ARHGAP45: variants seen among roughly 807,000 people sequenced by gnomAD.
The protein encoded by ARHGAP45 is Rho GTPase activating protein 45, also known as rho GTPase-activating protein 45.
A neutral mutation model predicts 116.1 loss-of-function variants in ARHGAP45; 56 were observed. The ratio of observed to expected loss-of-function variants is 0.48; its 90% CI spans 0.39 to 0.60. ARHGAP45 has a LOEUF of 0.60. ARHGAP45 is among the 20% of genes least tolerant of loss of function. ARHGAP45 has a pLI of 0.00. For missense variants in ARHGAP45, 1,622 were observed against 1,601.0 expected (o/e 1.01, Z -0.22); for synonymous variants, 866 against 701.7 (o/e 1.23, Z -3.70).
chr19:1,071,497 GCGCAGGGGTCGCGC>G lies in ARHGAP45; in HGVS notation c.422-1649_422-1636del, dbSNP rs2043140157. 1 of 646,832 alleles carries G rather than the reference GCGCAGGGGTCGCGC, an allele frequency of 1.5e-6. No homozygotes were observed. The highest frequency in any genetic ancestry group is 7.0e-5 in the South Asian group (1 of 14,314). 40.1% of individuals were successfully genotyped at this position (646,832 alleles called of 1,614,324 possible). On this transcript the variant is annotated intron_variant, in intron 2 of 22. Transcript: ENST00000313093. The surrounding 1 kb of genome is among the most constrained non-coding windows in gnomAD (Gnocchi z 4.6). ...GTGCGCACCTGGGCATCCCTGCGCT[GCGCAGGGGTCGCGC>G]CGGCCGCCGGCTTCCCGGGTAGGGG...
intron 17 of ARHGAP45, among the ~76,000 whole-genome samples, 153 bp downstream of exon 17, chr19:1,081,217 C>T (rs2043424636): frequency 6.6e-6 from 1 of 151,738 alleles, no homozygotes; most frequent in Non-Finnish European, 1.5e-5. Context: ...GTGGGGTGGG[C>T]TCTTTTAGTT....
Position 1,074,860 on chromosome 19 carries a change from A to G in ARHGAP45, c.1166A>G (p.His389Arg). 7.9e-7 allele frequency: 1 copy of G among 1,259,466 alleles called. No individual in the cohort carries two copies. Among genetic ancestry groups the G allele is most frequent in the Non-Finnish European group, 1.0e-6 (1 of 956,768 alleles). The allele number at this position is 1,259,466 out of a possible 1,614,324, so 78.0% of individuals were successfully genotyped here. ...AGGAAGGAGATCAAGGAGGCCTGGCACCGTGCCCAGAGGAAGCTGGTGAGG... is the reference window on the plus strand; with the variant it reads ...AGGAAGGAGATCAAGGAGGCCTGGCGCCGTGCCCAGAGGAAGCTGGTGAGG... ...KRRKEIKEAW[H>R]RAQRKLQEAE... Residue 389 changes from histidine (H) to arginine (R), a missense_variant, in exon 10 of 23, where the codon CAC becomes CGC. Coordinates refer to ENST00000313093, the MANE Select transcript of ARHGAP45 (RefSeq NM_012292.5).
chr19:1,072,089 G>C (rs1249225570), intron 2 of ARHGAP45, among the ~76,000 whole-genome samples: 1 of 151,256 alleles, frequency 6.6e-6, no homozygotes, highest in East Asian at 1.9e-4. Context: ...GGATGGAGGA[G>C]TCTCACTCTG....
chr19:1,082,042 C>T, intron 19 of ARHGAP45, 81 bp downstream of exon 19: 1 of 1,205,776 alleles, frequency 8.3e-7, no homozygotes, highest in East Asian at 5.2e-5. Context: ...GGTCCGGGAG[C>T]TGGAGCAGGA....
At chr19:1,075,990 G>A (rs551653885) in intron 10 of ARHGAP45, among the ~76,000 whole-genome samples, 94 of 152,252 alleles carry the variant, frequency 6.2e-4, no homozygotes, top group Middle Eastern at 3.4e-3. Context: ...ATATAGAGAG[G>A]CTCACCCGAT....
At chr19:1,066,766 G>C, upstream of ARHGAP45, 1 of 153,772 alleles carries the variant, frequency 6.5e-6, no homozygotes, top group Non-Finnish European at 1.4e-5. Context: ...TGATGGGGGG[G>C]ACCCTACTCT....
Position 1,083,094 on chromosome 19 carries a change from C to T in ARHGAP45, c.2744+28C>T, listed in dbSNP as rs755797655. On this transcript the variant is annotated intron_variant, in intron 20 of 22. Transcript: ENST00000313093. ...GAGTCCCGGCATATGGAGTGGAGGG[C>T]GCGGGGTCCCGGGAGCCGCTCAGCA... is the stretch of plus-strand genomic sequence containing the variant. The T allele has an allele frequency of 6.4e-6, 10 of 1,562,686 alleles. No individual in the cohort carries two copies. The East Asian group carries it at 1.2e-4, about 18-fold the overall frequency.
chr19:1,068,870 A>G lies in ARHGAP45; in HGVS notation c.421+126A>G. 1 of 891,074 alleles carries G rather than the reference A, an allele frequency of 1.1e-6. No homozygotes were observed. Among genetic ancestry groups the G allele is most frequent in the Non-Finnish European group, 1.8e-6 (1 of 570,172 alleles). 55.2% of individuals were successfully genotyped at this position (891,074 alleles called of 1,614,324 possible). ...CAGATGGCAGGGAGGGCTGTGTGGAAGAGGCCATGACAGCTAAGGCTCTGA... is the reference window on the plus strand; with the variant it reads ...CAGATGGCAGGGAGGGCTGTGTGGAGGAGGCCATGACAGCTAAGGCTCTGA... On this transcript the variant is annotated intron_variant, in intron 2 of 22. Transcript: ENST00000313093. This position sits in a 1 kb window ranked among gnomAD's most constrained non-coding sequence, Gnocchi z 7.5.
intron 19 of ARHGAP45, 63 bp downstream of exon 19, chr19:1,082,024 G>A (rs576197896): frequency 2.0e-4 from 315 of 1,563,556 alleles, no homozygotes; most frequent in Non-Finnish European, 2.6e-4. Context: ...AGGAGGAGGC[G>A]GGGTGGGGGT....
intron 10 of ARHGAP45, 112 bp from the exon 11 acceptor site, chr19:1,077,745 C>T (rs1409042664): frequency 1.1e-5 from 17 of 1,534,354 alleles, no homozygotes; most frequent in Non-Finnish European, 1.5e-5. Context: ...CCCAGCTGGG[C>T]CATGGGGCCT....
At position 1,067,209 on chromosome 19, in the gene ARHGAP45, G is replaced by C. The variant is rs1312817465; in HGVS notation, c.-197G>C. ...GCTGAGGCCGGGAAGGGTCGGGGGC[G>C]AGGCCGCGTCGCCGCCTCCCCGAAG... On this transcript the variant is annotated 5_prime_UTR_variant, in exon 1 of 23. Transcript: ENST00000313093. 1 of 1,355,256 alleles carries C rather than the reference G, an allele frequency of 7.4e-7. No homozygotes were observed. 84.0% of individuals were successfully genotyped at this position (1,355,256 alleles called of 1,614,324 possible).
chr19:1,080,805 G>A lies in ARHGAP45; in HGVS notation c.2017+19G>A. On this transcript the variant is annotated intron_variant, in intron 16 of 22. Transcript: ENST00000313093. ...GAGCAGGGTGAGGGTCCCCTGACGG[G>A]GCTGGAGAGAGAGGGGGGTTTGGAC... is the stretch of plus-strand genomic sequence containing the variant. 6.2e-7 allele frequency: 1 copy of A among 1,612,586 alleles called. No individual in the cohort carries two copies. The highest frequency in any genetic ancestry group is 8.5e-7 in the Non-Finnish European group (1 of 1,179,562).
chr19:1,067,986 G>T (rs1158678077), intron 1 of ARHGAP45, among the ~76,000 whole-genome samples: 1 of 151,800 alleles, frequency 6.6e-6, no homozygotes, highest in Non-Finnish European at 1.5e-5. Context: ...TGGGGGTCCG[G>T]GATGTCTACA....
chr19:1,081,678 C>T lies in ARHGAP45; in HGVS notation c.2319C>T (p.Gly773=), dbSNP rs765019102. 52 of 1,587,108 alleles carry T rather than the reference C, an allele frequency of 3.3e-5. No homozygotes were observed. The highest frequency in any genetic ancestry group is 4.2e-5 in the Non-Finnish European group (49 of 1,167,530). Residue 773 remains glycine, a synonymous_variant, in exon 18 of 23, where the codon GGC becomes GGT. Coordinates refer to ENST00000313093, the MANE Select transcript of ARHGAP45 (RefSeq NM_012292.5). ...ACGCGGCCCGCAGCGCCCCCGACGG[C>T]GTGCCCTTCATCGTCAAGAAGTGCG... The part of the protein sequence containing the change: ...FSHAARSAPD[G]VPFIVKKCVC...
chr19:1,079,103 C>T (rs1024112916), intron 11 of ARHGAP45, among the ~76,000 whole-genome samples: 1 of 151,396 alleles, frequency 6.6e-6, no homozygotes, highest in African/African-American at 2.4e-5. Context: ...TGGCATGAAC[C>T]CGGGAGGTGG....
rs538143704 is a variant in ARHGAP45 at position 1,076,570 on chromosome 19, C to G, written c.1186-1287C>G. Among the ~76,000 whole-genome samples, 25 of 143,760 alleles carry G rather than the reference C, an allele frequency of 1.7e-4. No homozygotes were observed. The East Asian group carries it at 5.4e-3, about 31-fold the overall frequency. 94.3% of individuals were successfully genotyped at this position (143,760 alleles called of 152,430 possible). On this transcript the variant is annotated intron_variant, in intron 10 of 22. Transcript: ENST00000313093. ...GCAGTGCAGTGGATCGATCTCAGCT[C>G]ACTGCAACCTCCATCTCCTGGGCTC... is the stretch of plus-strand genomic sequence containing the variant.
In ARHGAP45 at chr19:1,085,735, G is replaced by C. The variant is rs1426864085; in HGVS notation, c.3140G>C (p.Ser1047Thr). The C allele has an allele frequency of 1.2e-6, 2 of 1,611,398 alleles. No homozygotes were observed. The highest frequency in any genetic ancestry group is 1.7e-5 in the Admixed American group (1 of 59,688). ...GAGCTGCTGTCCTCATCGGAGGCCAGTGCCCTGGGCCACCTCAGCTTCCTG... is the reference window on the plus strand; with the variant it reads ...GAGCTGCTGTCCTCATCGGAGGCCACTGCCCTGGGCCACCTCAGCTTCCTG... Reference protein sequence around the residue: ...ASELLSSSEASALGHLSFLEQ... With the variant: ...ASELLSSSEATALGHLSFLEQ... The change falls in exon 23 of 23, where the codon AGT becomes ACT. Residue 1047 changes from serine (S) to threonine (T), a missense_variant. This residue lies in a region of ARHGAP45 where 1,334 missense variants were observed against 1,263.8 expected (regional missense o/e 1.06). Coordinates refer to ENST00000313093, the MANE Select transcript of ARHGAP45 (RefSeq NM_012292.5).
chr19:1,081,397 TG>T, intron 17 of ARHGAP45, 152 bp from the exon 18 acceptor site: 1 of 824,334 alleles, frequency 1.2e-6, no homozygotes, highest in Non-Finnish European at 1.8e-6. Context: ...GGATCACCCC[TG>T]GGGTGGAAGC....
intron 5 of ARHGAP45, 79 bp from the exon 6 acceptor site, chr19:1,073,869 G>C: frequency 1.3e-6 from 2 of 1,529,888 alleles, no homozygotes; most frequent in Non-Finnish European, 1.8e-6. Flanking sequence ...TCTGGGGGAG[G>C]CAGCAACCGT....
Sources: gnomAD v4.1 joint callset for allele counts (sites outside exome capture counted in the v4.1 genomes callset) on GRCh38, gnomAD v4.1.1 for gene constraint, gnomAD v4.1.1 regional missense constraint, Gnocchi (gnomAD v3.1) non-coding constraint, MANE v1.5 for transcripts, NCBI Gene and HGNC (gene_info 2026-07-23, HGNC 2026-07-21) for gene names.